The following ABCD2 variants were observed in gnomAD, a reference collection of about 807,000 sequenced individuals.
The protein encoded by ABCD2 is ATP-binding cassette sub-family D member 2.
In ABCD2, 36 loss-of-function variants were observed where a neutral mutation model predicts 70.9. The observed-to-expected ratio is 0.51, with a 90% CI of 0.39 to 0.67. ABCD2 has a LOEUF of 0.67. Ranked by LOEUF, ABCD2 falls within the 30% of genes least tolerant of loss-of-function variation. ABCD2 has a pLI of 0.00. For missense variants in ABCD2, 729 were observed against 890.2 expected, an observed-to-expected ratio of 0.82 and a Z score of 2.30; for synonymous variants, 304 against 306.9, an observed-to-expected ratio of 0.99 and a Z score of 0.10.
At chr12:39,531,106 A>C in the ABCD2 span, among the ~76,000 whole-genome samples, 3 of 152,168 alleles carry the variant, frequency 2.0e-5, no homozygotes, top group East Asian at 5.8e-4. Flanking sequence ...GCACTTTTCT[A>C]TATATAGGGA....
At chr12:39,568,077 C>T (rs1941385165) in intron 9 of ABCD2, among the ~76,000 whole-genome samples, 1 of 151,920 alleles carries the variant, frequency 6.6e-6, no homozygotes, top group African/African-American at 2.4e-5. Context: ...TTCATTTCAA[C>T]TTTGGTGAAT....
chr12:39,534,760 G>GGAA, the ABCD2 span, among the ~76,000 whole-genome samples: 2 of 113,256 alleles, frequency 1.8e-5, no homozygotes, highest in African/African-American at 7.3e-5. Flanking sequence ...AAGAAAGAAA[G>GGAA]AGAAAGAAAG....
At chr12:39,569,245 C>G (rs1941408944) in intron 9 of ABCD2, among the ~76,000 whole-genome samples, 1 of 152,232 alleles carries the variant, frequency 6.6e-6, no homozygotes, top group Non-Finnish European at 1.5e-5. Flanking sequence ...CAGATCCAAG[C>G]AGGCCTCCTT....
At chr12:39,568,356 CTCACT>C in intron 9 of ABCD2, among the ~76,000 whole-genome samples, 1 of 152,308 alleles carries the variant, frequency 6.6e-6, no homozygotes, top group Non-Finnish European at 1.5e-5. Flanking sequence ...AACTTCTCTT[CTCACT>C]TCATTTCATT....
At chr12:39,555,452 G>C (rs1023009609) in intron 9 of ABCD2, among the ~76,000 whole-genome samples, 5 of 152,058 alleles carry the variant, frequency 3.3e-5, no homozygotes. Context: ...CAGAAGCTAA[G>C]GAAACCAGGC....
the ABCD2 span, among the ~76,000 whole-genome samples, chr12:39,541,894 G>A: frequency 2.0e-5 from 3 of 152,156 alleles, no homozygotes; most frequent in African/African-American, 7.2e-5. Flanking sequence ...CAGACAGAAA[G>A]ATGTAAACAA....
At chr12:39,589,773 A>G (rs553170945) in intron 6 of ABCD2, among the ~76,000 whole-genome samples, 1 of 152,208 alleles carries the variant, frequency 6.6e-6, no homozygotes, top group South Asian at 2.1e-4. Context: ...ATGTTGATGA[A>G]TATGTATAAA....
chr12:39,561,382 ACT>A (rs1450280935), intron 9 of ABCD2, among the ~76,000 whole-genome samples: 2 of 141,936 alleles, frequency 1.4e-5, no homozygotes, highest in Non-Finnish European at 3.0e-5. Context: ...TCAAAGCAAG[ACT>A]CTGTCTCAAA....
At chr12:39,549,776 A>G (rs1186963204), downstream of ABCD2, among the ~76,000 whole-genome samples, 1 of 151,938 alleles carries the variant, frequency 6.6e-6, no homozygotes, top group Non-Finnish European at 1.5e-5. Flanking sequence ...TAGGCTTTAT[A>G]ATCAAATATT....
chr12:39,581,365 C>T (rs182941728), intron 7 of ABCD2, among the ~76,000 whole-genome samples: 4 of 152,250 alleles, frequency 2.6e-5, no homozygotes, highest in African/African-American at 9.6e-5. Context: ...TTCCCAGTGA[C>T]ACCTGAAATC....
Position 39,619,618 on chromosome 12 carries a change from T to C in ABCD2, c.-3A>G. On this transcript the variant is annotated 5_prime_UTR_variant, in exon 1 of 10. Transcript: ENST00000308666. ...GCTGCATTTAGCATATGTGTCATTTTCCCAGTTACCCAAACCGGCTTCCAA... is the reference window on the plus strand; with the variant it reads ...GCTGCATTTAGCATATGTGTCATTTCCCCAGTTACCCAAACCGGCTTCCAA... 1 of 1,601,496 alleles carries C rather than the reference T, an allele frequency of 6.2e-7. No homozygotes were observed. The highest frequency in any genetic ancestry group is 8.5e-7 in the Non-Finnish European group (1 of 1,176,676).
At chr12:39,575,996 C>A (rs572388870) in intron 8 of ABCD2, among the ~76,000 whole-genome samples, 118 of 152,170 alleles carry the variant, frequency 7.8e-4, no homozygotes, top group Non-Finnish European at 1.6e-3. Flanking sequence ...TTTATTAACA[C>A]ACTGATACAG....
rs1384669200 is a variant in ABCD2 at position 39,607,670 on chromosome 12, A to G, written c.1165T>C (p.Phe389Leu). ...GCCAGTAAATTTCGAGCAGTGGTAA[A>G]GGCTTCTGTCCGTTCACTAACCATA... ...QVMVSERTEAFTTARNLLASG... is the reference protein window; with the variant it reads ...QVMVSERTEALTTARNLLASG... Residue 389 changes from phenylalanine to leucine, a missense_variant, in exon 3 of 10, where the codon TTT becomes CTT. Transcript: ENST00000308666. 6.2e-7 allele frequency: 1 copy of G among 1,613,668 alleles called. No homozygotes were observed. Among genetic ancestry groups the G allele is most frequent in the South Asian group, 1.1e-5 (1 of 91,016 alleles).
At chr12:39,534,944 GA>G in the ABCD2 span, among the ~76,000 whole-genome samples, 2 of 132,160 alleles carry the variant, frequency 1.5e-5, no homozygotes, top group Non-Finnish European at 3.4e-5. Context: ...AAGAAAGAAA[GA>G]AAGAAAACAA....
At chr12:39,570,617 A>G (rs531718593) in intron 9 of ABCD2, among the ~76,000 whole-genome samples, 3 of 152,228 alleles carry the variant, frequency 2.0e-5, no homozygotes, top group Non-Finnish European at 4.4e-5. Context: ...AAGACCTGAA[A>G]TTATTAGAAT....
At chr12:39,562,776 T>A (rs1941279628) in intron 9 of ABCD2, among the ~76,000 whole-genome samples, 1 of 151,968 alleles carries the variant, frequency 6.6e-6, no homozygotes, top group Non-Finnish European at 1.5e-5. Flanking sequence ...TTCCAAAAAT[T>A]GAAGAGGAAG....
rs1251079677 is a variant in ABCD2 at position 39,589,679 on chromosome 12, A to AC, written c.1647-3383dup. 2.6e-5 allele frequency among the ~76,000 whole-genome samples: 4 copies of AC among 151,888 alleles called. No homozygotes were observed. The East Asian group carries it at 7.7e-4, about 29-fold the overall frequency. On this transcript the variant is annotated intron_variant, in intron 6 of 9. Coordinates refer to ENST00000308666, the MANE Select transcript of ABCD2 (RefSeq NM_005164.4). ...TGGGATTACAGGTGTGAGCCACCGC[A>AC]CCCAGCCCTATCTGAGCTATTGTTA...
chr12:39,613,996 C>T (rs2120777668), intron 2 of ABCD2, among the ~76,000 whole-genome samples: 1 of 152,258 alleles, frequency 6.6e-6, no homozygotes, highest in East Asian at 1.9e-4. Context: ...TGAACGTGCT[C>T]CTTTAAGCTA....
intron 9 of ABCD2, among the ~76,000 whole-genome samples, chr12:39,560,043 G>A (rs905447137): frequency 6.6e-6 from 1 of 152,040 alleles, no homozygotes; most frequent in Admixed American, 6.6e-5. Flanking sequence ...TAAGTTCTAG[G>A]GTACATGTGC....
Sources: allele counts gnomAD v4.1 joint callset (sites outside exome capture counted in the v4.1 genomes callset), GRCh38; gene constraint gnomAD v4.1.1; transcripts MANE v1.5; gene names NCBI Gene and HGNC (gene_info 2026-07-23, HGNC 2026-07-21).